FAXC: variants seen among roughly 807,000 people sequenced by gnomAD.
FAXC encodes failed axon connections homolog.
In FAXC, 10 loss-of-function variants were observed where a neutral mutation model predicts 41.9. The observed-to-expected ratio is 0.24, with a 90% confidence interval of 0.15 to 0.41. FAXC has a LOEUF of 0.41. FAXC is among the 10% of genes least tolerant of loss of function. The pLI is 1.00. For synonymous variants in FAXC, 183 were observed against 183.8 expected (o/e 1.00, Z 0.03); for missense variants, 399 against 510.9 (o/e 0.78, Z 2.11).
At chr6:99,346,078 T>C (rs1490790679) in intron 1 of FAXC, among the ~76,000 whole-genome samples, 1 of 152,234 alleles carries the variant, frequency 6.6e-6, no homozygotes, top group Non-Finnish European at 1.5e-5. Flanking sequence ...GAGTTTGCAA[T>C]AGCCAGAAAC....
chr6:99,282,731 T>C (rs981872959), intron 5 of FAXC, among the ~76,000 whole-genome samples: 2 of 150,242 alleles, frequency 1.3e-5, no homozygotes, highest in East Asian at 2.1e-4. Context: ...TCTAAGAATG[T>C]CTTTGGATTT....
At chr6:99,316,097 G>C (rs1772338546) in intron 4 of FAXC, among the ~76,000 whole-genome samples, 1 of 152,074 alleles carries the variant, frequency 6.6e-6, no homozygotes, top group South Asian at 2.1e-4. Context: ...CCCACCCTGA[G>C]CTTTAAGGGG....
intron 3 of FAXC, among the ~76,000 whole-genome samples, chr6:99,332,705 G>T (rs1432222909): frequency 6.6e-6 from 1 of 152,110 alleles, no homozygotes; most frequent in Admixed American, 6.5e-5. Flanking sequence ...TTTACTTCTG[G>T]AACATACAGA....
rs147852055 is a variant in FAXC, at chr6:99,318,306, C to CACACAAA, written c.823+5137_823+5138insTTTGTGT. On this transcript the variant is annotated intron_variant, in intron 4 of 5. Transcript: ENST00000389677. ...ACACACACACACACACACACACACA[C>CACACAAA]AAAATAGAAGAAATGGAAAATATAT... 3.8e-3 allele frequency among the ~76,000 whole-genome samples: 516 copies of CACACAAA among 135,308 alleles called. 8 individuals are homozygous for CACACAAA. The highest frequency in any genetic ancestry group is 0.013 in the African/African-American group (485 of 36,748). The allele number at this position is 135,308 out of a possible 152,430, so 88.8% of individuals were successfully genotyped here.
intron 1 of FAXC, among the ~76,000 whole-genome samples, chr6:99,346,670 G>T (rs1191600717): frequency 6.6e-6 from 1 of 152,130 alleles, no homozygotes; most frequent in African/African-American, 2.4e-5. Flanking sequence ...AAAGTGCTGG[G>T]ATTACAGGCG....
intron 4 of FAXC, among the ~76,000 whole-genome samples, chr6:99,318,299 ACACACAC>A: frequency 6.9e-6 from 1 of 145,526 alleles, no homozygotes; most frequent in South Asian, 2.3e-4. Context: ...ACACACACAC[ACACACAC>A]AAAATAGAAG....
chr6:99,297,241 C>A (rs1188884230), intron 4 of FAXC, among the ~76,000 whole-genome samples: 1 of 152,138 alleles, frequency 6.6e-6, no homozygotes, highest in Non-Finnish European at 1.5e-5. Context: ...ACAGCAAAGA[C>A]AAGAGTATGT....
intron 4 of FAXC, among the ~76,000 whole-genome samples, chr6:99,295,681 AT>A (rs2128451447): frequency 6.6e-6 from 1 of 152,316 alleles, no homozygotes. Flanking sequence ...TCTCTGAAGA[AT>A]CCTGACTAAT....
chr6:99,273,770 A>G lies in FAXC; in HGVS notation c.*7394T>C, dbSNP rs565964929. On this transcript the variant is annotated 3_prime_UTR_variant, in exon 6 of 6. Coordinates refer to ENST00000389677, the MANE Select transcript of FAXC (RefSeq NM_032511.4). The stretch of plus-strand genomic sequence containing the variant: ...GCTACGCCTAAAGACTCCTTGTCCC[A>G]TTCTCTAAACTCCATTGAGGACCAG... The G allele has an allele frequency of 3.9e-5, 6 of 152,222 alleles. No individual in the cohort carries two copies. In the East Asian group the frequency reaches 1.2e-3, roughly 29 times the overall value. The allele number at this position is 152,222 out of a possible 1,614,324, so 9.4% of individuals were successfully genotyped here. A position where few individuals can be genotyped will look rare whatever the true frequency, so the allele number is the denominator to read the frequency against.
intron 5 of FAXC, among the ~76,000 whole-genome samples, chr6:99,285,315 C>T (rs1174118463): frequency 6.6e-6 from 1 of 151,968 alleles, no homozygotes. Flanking sequence ...CCTGAATCTC[C>T]ATCAATAGGT....
At chr6:99,288,025 C>T (rs1771087531) in intron 5 of FAXC, among the ~76,000 whole-genome samples, 1 of 152,130 alleles carries the variant, frequency 6.6e-6, no homozygotes, top group Non-Finnish European at 1.5e-5. Context: ...GTGTCAGATT[C>T]CCCAGATGTG....
Position 99,274,059 on chromosome 6 carries a change from ATTT to A in FAXC, c.*7102_*7104del, listed in dbSNP as rs1183910745. ...AACAAAATGTACATTACTTTGTACA[ATTT>A]TATATTTATAAAATGAAAAATATAT... On this transcript the variant is annotated 3_prime_UTR_variant, in exon 6 of 6. Coordinates refer to ENST00000389677, the MANE Select transcript of FAXC (RefSeq NM_032511.4). 2.0e-5 allele frequency: 3 copies of A among 152,158 alleles called. No individual in the cohort carries two copies. Among genetic ancestry groups the A allele is most frequent in the African/African-American group, 7.2e-5 (3 of 41,430 alleles). 9.4% of individuals were successfully genotyped at this position (152,158 alleles called of 1,614,324 possible). A position where few individuals can be genotyped will look rare whatever the true frequency, so the allele number is the denominator to read the frequency against.
intron 3 of FAXC, among the ~76,000 whole-genome samples, chr6:99,329,405 A>C (rs1772948464): frequency 6.6e-6 from 1 of 152,202 alleles, no homozygotes. Context: ...CCCGTGATAG[A>C]AATGAATATT....
intron 3 of FAXC, among the ~76,000 whole-genome samples, chr6:99,330,596 T>C (rs1489461465): frequency 6.6e-6 from 1 of 152,234 alleles, no homozygotes; most frequent in Non-Finnish European, 1.5e-5. Context: ...TTGCTTTTCA[T>C]AAAATCATGC....
At chr6:99,329,412 T>C (rs1381886654) in intron 3 of FAXC, among the ~76,000 whole-genome samples, 1 of 152,300 alleles carries the variant, frequency 6.6e-6, no homozygotes, top group Admixed American at 6.5e-5. Flanking sequence ...TAGAAATGAA[T>C]ATTTATAAGT....
intron 4 of FAXC, among the ~76,000 whole-genome samples, chr6:99,301,674 A>G (rs1309025796): frequency 1.3e-5 from 2 of 152,192 alleles, no homozygotes; most frequent in Non-Finnish European, 2.9e-5. Flanking sequence ...TAAAATCAGA[A>G]TGGCTAATAA....
In FAXC at chr6:99,292,311, G is replaced by A. The variant is rs542463286; in HGVS notation, c.824-491C>T. Among the ~76,000 whole-genome samples, 18 of 152,300 alleles carry A rather than the reference G, an allele frequency of 1.2e-4. No individual in the cohort carries two copies. In the South Asian group the frequency reaches 3.7e-3, roughly 32 times the overall value. Reference sequence around the variant, plus strand: ...GTTTGGAGGTGAGGTTTCCCATGACGCTACATGGTCCTGGCAAAGTTCTCA... The same window carrying A: ...GTTTGGAGGTGAGGTTTCCCATGACACTACATGGTCCTGGCAAAGTTCTCA... On this transcript the variant is annotated intron_variant, in intron 4 of 5. Coordinates refer to ENST00000389677, the MANE Select transcript of FAXC (RefSeq NM_032511.4).
intron 4 of FAXC, among the ~76,000 whole-genome samples, chr6:99,298,229 CTT>C (rs57836761): frequency 0.22 from 31,853 of 142,362 alleles, 3,570 homozygotes; most frequent in East Asian, 0.48. Flanking sequence ...ACCTGGAAGG[CTT>C]TTTTTTTTTT....
intron 4 of FAXC, among the ~76,000 whole-genome samples, chr6:99,295,541 C>T (rs1771453326): frequency 6.6e-6 from 1 of 152,198 alleles, no homozygotes; most frequent in Admixed American, 6.5e-5. Context: ...TTCTGCCTAA[C>T]TGCCTTCAAA....
Sources: allele counts gnomAD v4.1 joint callset (sites outside exome capture counted in the v4.1 genomes callset), GRCh38; gene constraint gnomAD v4.1.1; transcripts MANE v1.5; gene names NCBI Gene and HGNC (gene_info 2026-07-23, HGNC 2026-07-21).